The following GRIN2A variants were observed in gnomAD, a reference collection of about 807,000 sequenced individuals.
The protein encoded by GRIN2A is glutamate ionotropic receptor NMDA type subunit 2A.
Under a neutral mutation model 113.4 loss-of-function variants are expected in GRIN2A, and 22 were observed. The ratio of observed to expected loss-of-function variants is 0.19; its 90% CI spans 0.14 to 0.28. The LOEUF (loss-of-function observed/expected upper bound fraction) is 0.28. Ranked by LOEUF, GRIN2A falls within the 10% of genes least tolerant of loss-of-function variation. The probability of loss-of-function intolerance (pLI) is 1.00; values close to 1 mark genes in which losing one functional copy is unlikely to be tolerated. For synonymous variants in GRIN2A, 827 were observed against 738.4 expected, an observed-to-expected ratio of 1.12 and a Z score of -1.94; for missense variants, 1,502 against 1,887.0, an observed-to-expected ratio of 0.80 and a Z score of 3.78.
intron 2 of GRIN2A, among the ~76,000 whole-genome samples, chr16:9,981,280 T>C (rs2045887530): frequency 6.6e-6 from 1 of 152,228 alleles, no homozygotes; most frequent in African/African-American, 2.4e-5. Context: ...TGTCTCAAGG[T>C]AATTGGGCTG....
chr16:9,987,141 G>T (rs1309942051), intron 2 of GRIN2A, among the ~76,000 whole-genome samples: 1 of 152,132 alleles, frequency 6.6e-6, no homozygotes, highest in Non-Finnish European at 1.5e-5. Context: ...TACTGGTATG[G>T]CTGTTTGTTA....
chr16:10,106,698 T>C (rs966108384), intron 2 of GRIN2A, among the ~76,000 whole-genome samples: 6 of 152,064 alleles, frequency 3.9e-5, no homozygotes, highest in Admixed American at 2.6e-4. Flanking sequence ...CAAAGTAAAA[T>C]GGCATTCCAC....
At chr16:10,177,307 C>A (rs11642171) in intron 2 of GRIN2A, among the ~76,000 whole-genome samples, 33,640 of 152,092 alleles carry the variant, frequency 0.22, 4,695 homozygotes, top group East Asian at 0.47. Context: ...TATCACCCAA[C>A]TCCTCTCAAT....
intron 2 of GRIN2A, among the ~76,000 whole-genome samples, chr16:10,138,253 G>T (rs186600641): frequency 6.6e-6 from 1 of 152,166 alleles, no homozygotes; most frequent in Non-Finnish European, 1.5e-5. Flanking sequence ...AACCACATTC[G>T]ATCACTATTC....
chr16:9,984,184 T>G (rs750356080), intron 2 of GRIN2A, among the ~76,000 whole-genome samples: 1 of 152,110 alleles, frequency 6.6e-6, no homozygotes, highest in African/African-American at 2.4e-5. Flanking sequence ...CATTTGCATA[T>G]CTTTAAGAGA....
chr16:10,154,078 G>A (rs1056000692), intron 2 of GRIN2A, among the ~76,000 whole-genome samples: 4 of 152,138 alleles, frequency 2.6e-5, no homozygotes, highest in African/African-American at 9.7e-5. Context: ...CATGGCAGGA[G>A]AGCCCTTTCC....
chr16:10,083,661 C>T (rs2142062419), intron 2 of GRIN2A, among the ~76,000 whole-genome samples: 2 of 152,298 alleles, frequency 1.3e-5, no homozygotes, highest in African/African-American at 4.8e-5. Flanking sequence ...GATCCCTACT[C>T]TCCTACCTGA....
intron 3 of GRIN2A, 60 bp downstream of exon 3, chr16:9,937,898 GC>G: frequency 8.3e-7 from 1 of 1,198,170 alleles, no homozygotes; most frequent in South Asian, 1.2e-5. Context: ...ATGTAAGCAA[GC>G]AAACAATGAC....
Position 9,760,902 on chromosome 16 carries a change from G to C in GRIN2A, c.*2247C>G. ...GGGCAGAAGGTAGAAAGGGCTAAAA[G>C]GCTACACAGTCATGGAGATTCAGAT... On this transcript the variant is annotated 3_prime_UTR_variant, in exon 13 of 13. Transcript: ENST00000330684. 4.3e-6 allele frequency: 1 copy of C among 232,658 alleles called. No homozygotes were observed. Among genetic ancestry groups the C allele is most frequent in the Non-Finnish European group, 8.5e-6 (1 of 117,714 alleles). 14.4% of individuals were successfully genotyped at this position (232,658 alleles called of 1,614,324 possible).
rs372779000 is a variant in GRIN2A at position 9,788,527 on chromosome 16, G to A, written c.2356+9750C>T. Among the ~76,000 whole-genome samples the A allele has an allele frequency of 4.8e-4, 73 of 151,950 alleles. No homozygotes were observed. In the East Asian group the frequency reaches 0.011, roughly 22 times the overall value. The stretch of plus-strand genomic sequence containing the variant: ...CCTACCTTGGCCTCCTAAAGTGCCG[G>A]GATTACAGGCATGAGCCATCATGCC... On this transcript the variant is annotated intron_variant, in intron 11 of 12. Transcript: ENST00000330684.
intron 3 of GRIN2A, among the ~76,000 whole-genome samples, chr16:9,901,791 A>T (rs1230228056): frequency 6.6e-6 from 1 of 152,212 alleles, no homozygotes; most frequent in East Asian, 1.9e-4. Context: ...CAATTAAACA[A>T]ATAAACTAGA....
At chr16:9,945,020 A>G (rs1297350578) in intron 2 of GRIN2A, among the ~76,000 whole-genome samples, 1 of 152,156 alleles carries the variant, frequency 6.6e-6, no homozygotes, top group South Asian at 2.1e-4. Context: ...AAAGAAGGAC[A>G]TCAATAAATA....
intron 2 of GRIN2A, among the ~76,000 whole-genome samples, chr16:10,084,759 T>TATTTATTTATTTATTTATTTATTC (rs1184000108): frequency 6.6e-6 from 1 of 151,818 alleles, no homozygotes; most frequent in Non-Finnish European, 1.5e-5. Flanking sequence ...TTTATTTATT[T>TATTTATTTATTTATTTATTTATTC]ATTTATTTAT....
chr16:10,122,528 T>C (rs2048854950), intron 2 of GRIN2A, among the ~76,000 whole-genome samples: 1 of 152,158 alleles, frequency 6.6e-6, no homozygotes, highest in East Asian at 1.9e-4. Flanking sequence ...GGCTGTCAGA[T>C]CTCTCCCAGA....
intron 2 of GRIN2A, among the ~76,000 whole-genome samples, chr16:10,135,642 G>A (rs1003409904): frequency 6.6e-6 from 1 of 152,168 alleles, no homozygotes; most frequent in African/African-American, 2.4e-5. Context: ...ACATGACAAG[G>A]AATTGGCTTA....
chr16:9,826,300 T>G (rs952270564), intron 9 of GRIN2A, among the ~76,000 whole-genome samples: 7 of 152,196 alleles, frequency 4.6e-5, no homozygotes, highest in African/African-American at 1.7e-4. Context: ...GGATTTCCTC[T>G]GTCAGAGTGA....
intron 2 of GRIN2A, among the ~76,000 whole-genome samples, chr16:9,961,217 G>C (rs2045435814): frequency 6.6e-6 from 1 of 152,150 alleles, no homozygotes; most frequent in African/African-American, 2.4e-5. Flanking sequence ...GGTCCCGGAG[G>C]AAGACATTCC....
intron 3 of GRIN2A, among the ~76,000 whole-genome samples, chr16:9,902,745 T>A (rs1386477461): frequency 6.6e-6 from 1 of 151,952 alleles, no homozygotes; most frequent in East Asian, 1.9e-4. Context: ...TCTCTCCTCA[T>A]CTTCCCCTAC....
intron 11 of GRIN2A, among the ~76,000 whole-genome samples, chr16:9,790,284 T>G (rs747138878): frequency 6.6e-6 from 1 of 152,196 alleles, no homozygotes; most frequent in Non-Finnish European, 1.5e-5. Context: ...TCCCTTTGTT[T>G]TGTTTTTAAT....
Sources: gnomAD v4.1 joint callset for allele counts (sites outside exome capture counted in the v4.1 genomes callset) on GRCh38, gnomAD v4.1.1 for gene constraint, MANE v1.5 for transcripts, NCBI Gene and HGNC (gene_info 2026-07-23, HGNC 2026-07-21) for gene names.